MAGI3: variants seen among roughly 807,000 people sequenced by gnomAD.
The protein encoded by MAGI3 is membrane-associated guanylate kinase, WW and PDZ domain-containing protein 3.
MAGI3 carries 43 observed loss-of-function variants against 121.8 expected under a neutral mutation model. The ratio of observed to expected loss-of-function variants is 0.35; its 90% CI spans 0.28 to 0.46. The LOEUF is 0.46. Ranked by LOEUF, MAGI3 falls within the 20% of genes least tolerant of loss-of-function variation. The probability of loss-of-function intolerance (pLI) is 1.00; values close to 1 mark genes in which losing one functional copy is unlikely to be tolerated. For missense variants in MAGI3, 1,547 were observed against 1,797.3 expected (o/e 0.86, Z 2.52); for synonymous variants, 553 against 639.3 (o/e 0.86, Z 2.04).
At chr1:113,660,324 A>G (rs1653711935) in intron 16 of MAGI3, among the ~76,000 whole-genome samples, 1 of 151,934 alleles carries the variant, frequency 6.6e-6, no homozygotes, top group East Asian at 1.9e-4. Flanking sequence ...TCTTTTCTAA[A>G]ATAATCCCTT....
chr1:113,632,028 G>A lies in MAGI3; in HGVS notation c.1360+9034G>A, dbSNP rs183245842. On this transcript the variant is annotated intron_variant, in intron 9 of 20. Transcript: ENST00000307546. ...GTTTGCTAGACTTTTCTAATCCTCTGTTATTTCACATACCGTGAAAATATG... is the reference window on the plus strand; with the variant it reads ...GTTTGCTAGACTTTTCTAATCCTCTATTATTTCACATACCGTGAAAATATG... Among the ~76,000 whole-genome samples the A allele has an allele frequency of 2.9e-4, 44 of 152,230 alleles. 1 individual carries two copies. The highest frequency in any genetic ancestry group is 2.1e-3 in the Admixed American group (32 of 15,274).
intron 1 of MAGI3, among the ~76,000 whole-genome samples, chr1:113,516,390 C>CA (rs60186333): frequency 0.18 from 12,779 of 70,370 alleles, 834 homozygotes; most frequent in East Asian, 0.45. Flanking sequence ...GAAGTTCTCA[C>CA]AAAAAAAAAA....
rs1166747587 is a variant in MAGI3, at chr1:113,652,405, C to T, written c.2440+1199C>T. Among the ~76,000 whole-genome samples the T allele has an allele frequency of 2.0e-5, 3 of 152,216 alleles. No homozygotes were observed. The East Asian group carries it at 5.8e-4, about 29-fold the overall frequency. ...ATTTACATCACTCTTAAAAATGAGG[C>T]ACTGTATTTTTTATTGCAACATTCA... On this transcript the variant is annotated intron_variant, in intron 14 of 20. Transcript: ENST00000307546.
chr1:113,403,710 G>A (rs1376649034), intron 1 of MAGI3: 2 of 152,284 alleles, frequency 1.3e-5, no homozygotes, highest in Middle Eastern at 3.4e-3. Context: ...CAAGCTGAAA[G>A]CTGCTGAAAG....
At chr1:113,665,573 C>T (rs1016226598) in intron 16 of MAGI3, among the ~76,000 whole-genome samples, 8 of 151,934 alleles carry the variant, frequency 5.3e-5, no homozygotes, top group South Asian at 2.1e-4. Flanking sequence ...TGTGTATACG[C>T]GTATATAAAT....
rs1570920158 is a variant in MAGI3 at position 113,598,087 on chromosome 1, C to G, written c.1018+3527C>G. 2.0e-5 allele frequency among the ~76,000 whole-genome samples: 3 copies of G among 152,090 alleles called. No homozygotes were observed. In the East Asian group the frequency reaches 5.8e-4, roughly 29 times the overall value. On this transcript the variant is annotated intron_variant, in intron 6 of 20. Transcript: ENST00000307546. ...ATTAGCCAGACATGGTGGTGGGCAC[C>G]TGTAATCCCAGCTACTCAGGAGGCT... is the stretch of plus-strand genomic sequence containing the variant.
At chr1:113,576,582 A>C (rs192087688) in intron 2 of MAGI3, among the ~76,000 whole-genome samples, 1 of 152,244 alleles carries the variant, frequency 6.6e-6, no homozygotes, top group Non-Finnish European at 1.5e-5. Context: ...TGGGAGCTGC[A>C]GACCAGAGCT....
At chr1:113,562,451 A>G (rs1308050146) in intron 2 of MAGI3, among the ~76,000 whole-genome samples, 3 of 152,232 alleles carry the variant, frequency 2.0e-5, no homozygotes, top group Non-Finnish European at 4.4e-5. Context: ...AAAACATTCC[A>G]TACTTATGAA....
At chr1:113,534,513 C>T (rs1427145868) in intron 1 of MAGI3, among the ~76,000 whole-genome samples, 2 of 152,106 alleles carry the variant, frequency 1.3e-5, no homozygotes, top group Non-Finnish European at 2.9e-5. Context: ...TTCATTCTTC[C>T]AGTCTATGTT....
At chr1:113,451,440 A>T in intron 1 of MAGI3, among the ~76,000 whole-genome samples, 1 of 152,314 alleles carries the variant, frequency 6.6e-6, no homozygotes, top group East Asian at 1.9e-4. Flanking sequence ...AAAATTGTAC[A>T]CAATATTATA....
rs1374948649 is a variant in MAGI3, at chr1:113,416,052, TGA to T, written c.316+24704_316+24705del. ...TGACACATATTAATTATGTAATTAA[TGA>T]CACATATTAATTATGTAATTAATGA... On this transcript the variant is annotated intron_variant, in intron 1 of 20. Transcript: ENST00000307546. 7.2e-4 allele frequency among the ~76,000 whole-genome samples: 107 copies of T among 149,252 alleles called. No homozygotes were observed. The South Asian group carries it at 0.021, about 29-fold the overall frequency.
chr1:113,652,073 G>A (rs1486611288), intron 14 of MAGI3, among the ~76,000 whole-genome samples: 2 of 152,168 alleles, frequency 1.3e-5, no homozygotes, highest in Admixed American at 1.3e-4. Context: ...CAAATAACTG[G>A]TAAGAGGTAG....
chr1:113,539,790 C>CTT (rs1164684531), intron 1 of MAGI3, among the ~76,000 whole-genome samples: 1 of 137,468 alleles, frequency 7.3e-6, no homozygotes, highest in Non-Finnish European at 1.6e-5. Flanking sequence ...TGAAGCATTA[C>CTT]TTTTTTTTTT....
intron 11 of MAGI3, among the ~76,000 whole-genome samples, chr1:113,643,995 A>G (rs1392381136): frequency 1.3e-5 from 2 of 152,214 alleles, no homozygotes; most frequent in East Asian, 3.9e-4. Context: ...CTGGAGGATT[A>G]CTAAAGGCCT....
intron 20 of MAGI3, chr1:113,682,176 T>TTTCC: frequency 1.3e-6 from 2 of 1,570,954 alleles, no homozygotes. Context: ...TTTTTTTTTT[T>TTTCC]CACATAGTCC....
intron 16 of MAGI3, among the ~76,000 whole-genome samples, chr1:113,665,529 A>C (rs1653997178): frequency 6.6e-6 from 1 of 152,058 alleles, no homozygotes; most frequent in African/African-American, 2.4e-5. Context: ...AGCTCCTCCA[A>C]AAAAAATCAA....
intron 9 of MAGI3, among the ~76,000 whole-genome samples, chr1:113,633,347 C>T (rs1221500408): frequency 5.1e-5 from 7 of 138,448 alleles, no homozygotes; most frequent in African/African-American, 1.0e-4. Flanking sequence ...CTGCAAGCTC[C>T]GCCTCCCGGG....
chr1:113,538,866 CTGACCA>C (rs1228631772), intron 1 of MAGI3, among the ~76,000 whole-genome samples: 1 of 152,140 alleles, frequency 6.6e-6, no homozygotes, highest in Non-Finnish European at 1.5e-5. Context: ...TTGAAGACAG[CTGACCA>C]AAGAAAAGCC....
chr1:113,489,411 T>C (rs994295055), intron 1 of MAGI3, among the ~76,000 whole-genome samples: 1 of 152,072 alleles, frequency 6.6e-6, no homozygotes, highest in African/African-American at 2.4e-5. Flanking sequence ...ACCTCAAAGA[T>C]TGAAGGAGGA....
Sources: gnomAD v4.1 joint callset for allele counts (sites outside exome capture counted in the v4.1 genomes callset) on GRCh38, gnomAD v4.1.1 for gene constraint, MANE v1.5 for transcripts, NCBI Gene and HGNC (gene_info 2026-07-23, HGNC 2026-07-21) for gene names.